YY1AP1: variants seen among roughly 807,000 people sequenced by gnomAD.
The protein encoded by YY1AP1 is YY1-associated protein 1.
A neutral mutation model predicts 39.9 loss-of-function variants in YY1AP1; 43 were observed. The ratio of observed to expected loss-of-function variants is 1.08; its 90% CI spans 0.84 to 1.39. The LOEUF is 1.39. Ranked by LOEUF, YY1AP1 falls within the 40% of genes most tolerant of loss-of-function variation. The probability of loss-of-function intolerance (pLI) is 0.00; values close to 1 mark genes in which losing one functional copy is unlikely to be tolerated. For synonymous variants in YY1AP1, 292 were observed against 331.3 expected, an observed-to-expected ratio of 0.88 and a Z score of 1.29; for missense variants, 813 against 900.7, an observed-to-expected ratio of 0.90 and a Z score of 1.25.
At chr1:155,668,843 C>T (rs748179023) in intron 8 of YY1AP1, 66 bp from the exon 9 acceptor site, 20 of 1,608,910 alleles carry the variant, frequency 1.2e-5, no homozygotes, top group Non-Finnish European at 1.6e-5. Context: ...CCTCCCCAGA[C>T]TAACACATTT....
rs772846442 is a variant in YY1AP1 at position 155,679,457 on chromosome 1, T to A, written c.77A>T (p.Glu26Val). The A allele has an allele frequency of 3.1e-6, 5 of 1,614,194 alleles. No individual in the cohort carries two copies. In the South Asian group the frequency reaches 5.5e-5, roughly 18 times the overall value. The change falls in exon 4 of 11, where the codon GAG becomes GTG. Residue 26 changes from glutamate (E) to valine (V), a missense_variant. By Grantham distance (121) the Glu-to-Val change is moderately radical (BLOSUM62 -2). Transcript: ENST00000355499. Reference protein sequence around the residue: ...NMEDDGPEEEERVAEPQANFN... With the variant: ...NMEDDGPEEEVRVAEPQANFN... ...GTTAGCTTGAGGCTCAGCCACACGC[T>A]CCTCCTCTTCTGGGCCATCATCTTC...
chr1:155,683,500 A>T (rs348188), intron 2 of YY1AP1, among the ~76,000 whole-genome samples: 12,134 of 152,054 alleles, frequency 0.08, 1,715 homozygotes, highest in African/African-American at 0.28. Context: ...TACTAACAAT[A>T]CAAAAATTAG....
chr1:155,684,828 C>A (rs1652002374), intron 2 of YY1AP1, among the ~76,000 whole-genome samples: 1 of 152,278 alleles, frequency 6.6e-6, no homozygotes, highest in East Asian at 1.9e-4. Context: ...TCTGACAATC[C>A]ATCCGCCTCG....
Position 155,659,819 on chromosome 1 carries a change from G to C in YY1AP1, c.2091C>G (p.Ala697=). 6.2e-7 allele frequency: 1 copy of C among 1,614,228 alleles called. No individual in the cohort carries two copies. Among genetic ancestry groups the C allele is most frequent in the Non-Finnish European group, 8.5e-7 (1 of 1,180,050 alleles). ...CTGTTTTCACAACGGTCCAGCGATA[G>C]GCACTGTTCTCTGACAATCCTTCTT... is the stretch of plus-strand genomic sequence containing the variant. ...QCQEGLSENS[A]YRWTVVKTEE... The change falls in exon 11 of 11, where the codon GCC becomes GCG. Residue 697 remains alanine (A), a synonymous_variant. Coordinates refer to ENST00000355499, the MANE Select transcript of YY1AP1 (RefSeq NM_139119.3).
At chr1:155,680,531 T>C (rs1651363817) in intron 2 of YY1AP1, 75 bp from the exon 3 acceptor site, 4 of 1,306,750 alleles carry the variant, frequency 3.1e-6, no homozygotes, top group Admixed American at 1.7e-5. Context: ...GTAGACAATG[T>C]ATGATGTTTT....
At position 155,688,740 on chromosome 1, in the gene YY1AP1, C is replaced by T; in HGVS notation, c.-233G>A. ...CCCCGCCCGCACGGCCACCAACCGC[C>T]GCCAAAGCAGCCGCCGCCAGCACCC... is the stretch of plus-strand genomic sequence containing the variant. On this transcript the variant is annotated 5_prime_UTR_variant, in exon 1 of 11. Transcript: ENST00000355499. The T allele has an allele frequency of 4.0e-6, 6 of 1,518,298 alleles. No individual in the cohort carries two copies. Among genetic ancestry groups the T allele is most frequent in the East Asian group, 4.9e-5 (2 of 40,884 alleles). 94.1% of individuals were successfully genotyped at this position (1,518,298 alleles called of 1,614,324 possible).
intron 8 of YY1AP1, 34 bp downstream of exon 8, chr1:155,670,286 T>A: frequency 6.2e-7 from 1 of 1,611,510 alleles, no homozygotes; most frequent in South Asian, 1.1e-5. Context: ...CATCTTCTCC[T>A]TGGGATATTT....
Position 155,660,235 on chromosome 1 carries a change from C to T in YY1AP1, c.1675G>A (p.Ala559Thr). ...HPASVIFTVP[A>T]TTVKIVSLGG... Reference sequence around the variant, plus strand: ...AGGCTCACAATCTTCACAGTGGTAGCAGGAACAGTGAAGATAACAGATGCA... The same window carrying T: ...AGGCTCACAATCTTCACAGTGGTAGTAGGAACAGTGAAGATAACAGATGCA... The change falls in exon 11 of 11, where the codon GCT becomes ACT. Residue 559 changes from alanine (A) to threonine (T), a missense_variant. By Grantham distance (58) the Ala-to-Thr change is moderately conservative (BLOSUM62 0). Transcript: ENST00000355499. The T allele has an allele frequency of 6.2e-7, 1 of 1,614,172 alleles. No homozygotes were observed.
In YY1AP1 at chr1:155,660,471, G is replaced by A. The variant is rs1203651425; in HGVS notation, c.1439C>T (p.Pro480Leu). ...GVSGGESFES[P>L]AALPAMPPEA... ...AGGGGGCATAGCAGGCAGTGCTGCA[G>A]GAGACTCAAAACTCTCACCTCCACT... Residue 480 changes from proline to leucine, a missense_variant, in exon 11 of 11, where the codon CCT becomes CTT. This residue lies in a region of YY1AP1 where 586 missense variants were observed against 647.4 expected (regional missense o/e 0.91). Transcript: ENST00000355499. 34 of 1,613,994 alleles carry A rather than the reference G, an allele frequency of 2.1e-5. No individual in the cohort carries two copies. The highest frequency in any genetic ancestry group is 1.6e-4 in the Middle Eastern group (1 of 6,084).
chr1:155,681,634 A>T (rs1571359914), intron 2 of YY1AP1, among the ~76,000 whole-genome samples: 1 of 152,128 alleles, frequency 6.6e-6, no homozygotes, highest in East Asian at 1.9e-4. Context: ...ACAGTGTTTC[A>T]TAGGACTCTA....
Position 155,677,676 on chromosome 1 carries a change from T to G in YY1AP1, c.126-930A>C, listed in dbSNP as rs189126329. Among the ~76,000 whole-genome samples the G allele has an allele frequency of 2.0e-5, 3 of 152,342 alleles. No individual in the cohort carries two copies. In the East Asian group the frequency reaches 5.8e-4, roughly 29 times the overall value. ...AAGTTTTCTTTTATAGTATTTACTG[T>G]AGGTTTGGGTAGCACAGAGTAAAAA... On this transcript the variant is annotated intron_variant, in intron 4 of 10. Transcript: ENST00000355499.
intron 6 of YY1AP1, 151 bp downstream of exon 6, chr1:155,674,859 G>A: frequency 1.6e-6 from 1 of 645,046 alleles, no homozygotes; most frequent in Non-Finnish European, 2.7e-6. Context: ...TACACTCTTT[G>A]TCCTTTCATG....
chr1:155,667,719 G>C (rs535220081), intron 9 of YY1AP1, among the ~76,000 whole-genome samples: 2 of 151,934 alleles, frequency 1.3e-5, no homozygotes, highest in Non-Finnish European at 2.9e-5. Flanking sequence ...CTACAAGGGA[G>C]GCTGAGGCAG....
chr1:155,672,742 A>G lies in YY1AP1; in HGVS notation c.412-11T>C, dbSNP rs1650052609. On this transcript the variant is annotated splice_polypyrimidine_tract_variant and intron_variant, in intron 6 of 10. Coordinates refer to ENST00000355499, the MANE Select transcript of YY1AP1 (RefSeq NM_139119.3). Reference sequence around the variant, plus strand: ...GGTTCCCAGCTCTTTCTGGGAAAACACGACACAAGGAAGATCTAAGACAAT... The same window carrying G: ...GGTTCCCAGCTCTTTCTGGGAAAACGCGACACAAGGAAGATCTAAGACAAT... The G allele has an allele frequency of 6.2e-7, 1 of 1,614,098 alleles. No individual in the cohort carries two copies. The highest frequency in any genetic ancestry group is 1.7e-5 in the Admixed American group (1 of 59,998).
rs1451369217 is a variant in YY1AP1, at chr1:155,659,821, C to CACTGTTCTCTG, written c.2078_2088dup (p.Ala697GlnfsTer11). 1.9e-6 allele frequency: 3 copies of CACTGTTCTCTG among 1,614,122 alleles called. No homozygotes were observed. In the African/African-American group the frequency reaches 4.0e-5, roughly 22 times the overall value. On this transcript the variant is annotated frameshift_variant, in exon 11 of 11. Transcript: ENST00000355499. LOFTEE classifies it low-confidence loss of function (END_TRUNC). ...GTTTTCACAACGGTCCAGCGATAGG[C>CACTGTTCTCTG]ACTGTTCTCTGACAATCCTTCTTGG... is the stretch of plus-strand genomic sequence containing the variant.
chr1:155,683,744 C>A (rs777915835), intron 2 of YY1AP1, among the ~76,000 whole-genome samples: 1 of 144,660 alleles, frequency 6.9e-6, no homozygotes, highest in East Asian at 2.7e-4. Flanking sequence ...CATAACCACC[C>A]CAATTTAGTT....
intron 10 of YY1AP1, 96 bp from the exon 11 acceptor site, chr1:155,661,009 C>T: frequency 6.3e-7 from 1 of 1,591,870 alleles, no homozygotes; most frequent in Non-Finnish European, 8.6e-7. Context: ...AAGCTCAAGG[C>T]ATCTTTCCAA....
intron 9 of YY1AP1, among the ~76,000 whole-genome samples, chr1:155,664,242 C>A (rs1185030886): frequency 6.6e-6 from 1 of 151,894 alleles, no homozygotes; most frequent in East Asian, 1.9e-4. Context: ...ATCTAGAATT[C>A]TAGATACAGT....
chr1:155,688,922 C>G (rs368291594), upstream of YY1AP1: 15 of 1,613,204 alleles, frequency 9.3e-6, no homozygotes, highest in African/African-American at 1.9e-4. Context: ...AGTCCCATGA[C>G]AACCTACCTC....
Sources: gnomAD v4.1 joint callset for allele counts (sites outside exome capture counted in the v4.1 genomes callset) on GRCh38, gnomAD v4.1.1 for gene constraint, gnomAD v4.1.1 regional missense constraint, MANE v1.5 for transcripts, NCBI Gene and HGNC (gene_info 2026-07-23, HGNC 2026-07-21) for gene names.